The following ZBED6 variants were observed in gnomAD, a reference collection of about 807,000 sequenced individuals.
The protein encoded by ZBED6 is zinc finger BED-type containing 6, also known as zinc finger BED domain-containing protein 6.
In ZBED6, 40 loss-of-function variants were observed where a neutral mutation model predicts 58.4. That is an observed-to-expected ratio of 0.68 (90% confidence interval 0.53 to 0.89). The LOEUF is 0.89. ZBED6 is among the 40% of genes least tolerant of loss of function. The probability of loss-of-function intolerance (pLI) is 0.00; values close to 1 mark genes in which losing one functional copy is unlikely to be tolerated. For synonymous variants in ZBED6, 439 were observed against 350.6 expected, an observed-to-expected ratio of 1.25 and a Z score of -2.82; for missense variants, 1,057 against 1,003.9, an observed-to-expected ratio of 1.05 and a Z score of -0.71.
At chr1:203,831,626 A>G in intron 7 of ZBED6, 35 bp from the exon 8 acceptor site, 7 of 1,571,092 alleles carry the variant, frequency 4.5e-6, no homozygotes, top group Non-Finnish European at 6.1e-6. Flanking sequence ...TATTTTCCAT[A>G]AATTATTTGC....
intron 10 of ZBED6, among the ~76,000 whole-genome samples, chr1:203,838,621 T>A (rs527272976): frequency 6.6e-6 from 1 of 151,986 alleles, no homozygotes; most frequent in East Asian, 1.9e-4. Context: ...TGTTAGAAAG[T>A]TTGGACTTAT....
intron 1 of ZBED6, among the ~76,000 whole-genome samples, chr1:203,807,320 CTT>C (rs1368871222): frequency 6.6e-6 from 1 of 152,156 alleles, no homozygotes; most frequent in African/African-American, 2.4e-5. Flanking sequence ...GTGTCTTGCT[CTT>C]TTGCCCAGGT....
intron 1 of ZBED6, among the ~76,000 whole-genome samples, chr1:203,803,643 T>C (rs528380515): frequency 6.6e-6 from 1 of 152,352 alleles, no homozygotes; most frequent in Admixed American, 6.5e-5. Context: ...TTGTGCTCTG[T>C]CACTGAGGCT....
intron 4 of ZBED6, 21 bp from the exon 5 acceptor site, chr1:203,829,430 T>C (rs775826170): frequency 6.4e-5 from 103 of 1,613,574 alleles, no homozygotes; most frequent in Non-Finnish European, 8.0e-5. Context: ...TTTTAATTTA[T>C]GACTGATTTT....
rs757687070 is a variant in ZBED6, at chr1:203,799,314, G to T, written c.1792G>T (p.Glu598Ter). 1 of 710,426 alleles carries T rather than the reference G, an allele frequency of 1.4e-6. No individual in the cohort carries two copies. Among genetic ancestry groups the T allele is most frequent in the South Asian group, 1.5e-5 (1 of 67,742 alleles). The allele number at this position is 710,426 out of a possible 1,614,324, so 44.0% of individuals were successfully genotyped here. The change falls in exon 1 of 17, where the codon GAG (glutamate) becomes TAG (stop). Residue 598 changes from glutamate (E) to a stop codon, truncating the protein, a stop_gained. Coordinates refer to ENST00000550078, the Ensembl canonical transcript of ZBED6. LOFTEE classifies it high-confidence loss of function. ...TATGGTCATTCAGGACTTTTTCTGCGAGCACAAAAGCATTGAGAATATGTT... is the reference window on the plus strand; with the variant it reads ...TATGGTCATTCAGGACTTTTTCTGCTAGCACAAAAGCATTGAGAATATGTT...
intron 3 of ZBED6, among the ~76,000 whole-genome samples, chr1:203,825,898 G>A (rs1048797351): frequency 3.3e-5 from 5 of 151,824 alleles, no homozygotes; most frequent in South Asian, 2.1e-4. Flanking sequence ...AGTTGTCTTC[G>A]TTGCACATAT....
rs59254922 is a variant in ZBED6 at position 203,815,216 on chromosome 1, C to CTTTTTTTTTTT, written c.*2555-1704_*2555-1694dup. Reference sequence around the variant, plus strand: ...TTCATTATTTTCTTCCTTTTCTTTTCTTTTTTTTTTTTTTTTGAGACAGTG... The same window carrying CTTTTTTTTTTT: ...TTCATTATTTTCTTCCTTTTCTTTTCTTTTTTTTTTTTTTTTTTTTTTTTTTTGAGACAGTG... On this transcript the variant is annotated intron_variant, in intron 1 of 16. Transcript: ENST00000550078. Among the ~76,000 whole-genome samples, 104 of 97,112 alleles carry CTTTTTTTTTTT rather than the reference C, an allele frequency of 1.1e-3. 5 individuals carry two copies. The highest frequency in any genetic ancestry group is 2.1e-3 in the South Asian group (6 of 2,842). The allele number at this position is 97,112 out of a possible 152,430, so 63.7% of individuals were successfully genotyped here.
intron 8 of ZBED6, 68 bp downstream of exon 8, chr1:203,831,839 T>C: frequency 7.8e-7 from 1 of 1,287,776 alleles, no homozygotes; most frequent in South Asian, 1.4e-5. Context: ...GCAAAATCCT[T>C]GGGTATCTTT....
At chr1:203,819,220 CTTTTT>C (rs1158067618) in intron 3 of ZBED6, among the ~76,000 whole-genome samples, 19 of 133,790 alleles carry the variant, frequency 1.4e-4, no homozygotes, top group Non-Finnish European at 2.5e-4. Flanking sequence ...TTTTTTCTTT[CTTTTT>C]ATTTTTTTTT....
chr1:203,850,708 CT>C (rs1689046818), intron 15 of ZBED6, 27 bp downstream of exon 15: 1 of 1,605,164 alleles, frequency 6.2e-7, no homozygotes, highest in African/African-American at 1.3e-5. Flanking sequence ...CTTTGTGGTG[CT>C]TTATTCTGTG....
intron 2 of ZBED6, among the ~76,000 whole-genome samples, chr1:203,818,219 T>A (rs900559424): frequency 6.6e-6 from 1 of 150,948 alleles, no homozygotes; most frequent in African/African-American, 2.4e-5. Flanking sequence ...ATTTACTTTC[T>A]GATTTTCCAT....
chr1:203,799,010 T>C, exon 1 of ZBED6: 1 of 1,536,186 alleles, frequency 6.5e-7, no homozygotes, highest in African/African-American at 1.4e-5. Context: ...CTGACTATTT[T>C]ATTGTGACTG....
chr1:203,799,989 A>G (rs1670041520), exon 1 of ZBED6: 1 of 1,536,110 alleles, frequency 6.5e-7, no homozygotes, highest in Non-Finnish European at 8.7e-7. Flanking sequence ...TCCCTCAGTT[A>G]CAGTGGGAGC....
chr1:203,842,990 C>T (rs1686889013), intron 11 of ZBED6, among the ~76,000 whole-genome samples: 1 of 150,890 alleles, frequency 6.6e-6, no homozygotes. Context: ...TTTTACATCT[C>T]TATTTATGAA....
chr1:203,798,443 A>G lies in ZBED6; in HGVS notation c.921A>G (p.Gln307=), dbSNP rs748387695. 5.2e-6 allele frequency: 8 copies of G among 1,536,034 alleles called. No homozygotes were observed. The South Asian group carries it at 8.3e-5, about 16-fold the overall frequency. Residue 307 remains glutamine, a synonymous_variant, in exon 1 of 17, where the codon CAA becomes CAG. Transcript: ENST00000550078. ...CCCACTTAGGGACTTCAACACTTCA[A>G]CGACACCTGCAAGCCACACATCCTA...
Position 203,816,942 on chromosome 1 carries a change from C to G in ZBED6, c.*2571C>G. 1.2e-5 allele frequency: 7 copies of G among 596,720 alleles called. No individual in the cohort carries two copies. In the South Asian group the frequency reaches 2.0e-4, roughly 17 times the overall value. 37.0% of individuals were successfully genotyped at this position (596,720 alleles called of 1,614,324 possible). On this transcript the variant is annotated 3_prime_UTR_variant, in exon 2 of 17. Transcript: ENST00000550078. ...TCATTTTAGGATTACAGTTTAAAGA[C>G]AATTTCTGTGATCAAGTTGTCATTT... is the stretch of plus-strand genomic sequence containing the variant.
intron 4 of ZBED6, 132 bp downstream of exon 4, chr1:203,828,554 G>A (rs1404448537): frequency 1.0e-5 from 12 of 1,142,968 alleles, no homozygotes; most frequent in East Asian, 2.6e-5. Flanking sequence ...TTACAGATAA[G>A]TGAACTGAAT....
rs1466416632 is a variant in ZBED6 at position 203,837,963 on chromosome 1, T to C, written c.*3574-3T>C. ...TCTTAAACTAAGTTCTCCCTCTTTA[T>C]AGGCGGTGACAGTGATCCTCCATTA... On this transcript the variant is annotated splice_polypyrimidine_tract_variant and splice_region_variant and intron_variant, in intron 9 of 16. Transcript: ENST00000550078. The C allele has an allele frequency of 2.5e-6, 4 of 1,607,712 alleles. No individual in the cohort carries two copies. The highest frequency in any genetic ancestry group is 3.5e-5 in the Admixed American group (2 of 57,962).
At chr1:203,827,465 G>C (rs1405647155) in intron 3 of ZBED6, among the ~76,000 whole-genome samples, 1 of 151,452 alleles carries the variant, frequency 6.6e-6, no homozygotes, top group African/African-American at 2.4e-5. Context: ...CGGATCACGA[G>C]GTCAGGAGAT....
Sources: gnomAD v4.1 joint callset for allele counts (sites outside exome capture counted in the v4.1 genomes callset) on GRCh38, gnomAD v4.1.1 for gene constraint, MANE v1.5 for transcripts, NCBI Gene and HGNC (gene_info 2026-07-23, HGNC 2026-07-21) for gene names.